The following CACNA1A variants were observed in gnomAD, a reference collection of about 807,000 sequenced individuals.
CACNA1A encodes calcium voltage-gated channel subunit alpha1 A, also known as voltage-dependent P/Q-type calcium channel subunit alpha-1A.
CACNA1A carries 57 observed loss-of-function variants against 262.4 expected under a neutral mutation model. The ratio of observed to expected loss-of-function variants is 0.22; its 90% CI spans 0.18 to 0.27. The LOEUF (loss-of-function observed/expected upper bound fraction) is 0.27, where lower values mean the gene tolerates loss of function less well. Among genes scored for constraint, CACNA1A ranks in the 10% least tolerant of loss-of-function variants. The pLI is 1.00. For synonymous variants in CACNA1A, 1,431 were observed against 1,419.3 expected (o/e 1.01, Z -0.18); for missense variants, 2,526 against 3,562.8 (o/e 0.71, Z 7.41).
At chr19:13,453,454 T>C (rs761153105) in intron 2 of CACNA1A, among the ~76,000 whole-genome samples, 3 of 152,254 alleles carry the variant, frequency 2.0e-5, no homozygotes, top group African/African-American at 4.8e-5. Flanking sequence ...CAGAAAGTTC[T>C]AATGGAAAGC....
At chr19:13,303,671 G>T in intron 16 of CACNA1A, 58 bp from the exon 17 acceptor site, 1 of 1,579,686 alleles carries the variant, frequency 6.3e-7, no homozygotes, top group South Asian at 1.1e-5. Flanking sequence ...TGGGCCCTGG[G>T]TATCTGGGTC....
intron 3 of CACNA1A, among the ~76,000 whole-genome samples, chr19:13,431,658 T>C (rs1444843791): frequency 3.3e-5 from 5 of 152,098 alleles, no homozygotes; most frequent in Non-Finnish European, 5.9e-5. Context: ...GAAGAAAATA[T>C]GGCGTGTATA....
At chr19:13,303,475 C>T (rs2057833064) in intron 17 of CACNA1A, 71 bp downstream of exon 17, 2 of 167,114 alleles carry the variant, frequency 1.2e-5, no homozygotes, top group Admixed American at 6.1e-5. Flanking sequence ...CACCCCCACC[C>T]CCACCCCCGT....
intron 3 of CACNA1A, among the ~76,000 whole-genome samples, chr19:13,410,109 A>G (rs1304578273): frequency 6.6e-6 from 1 of 151,826 alleles, no homozygotes; most frequent in Non-Finnish European, 1.5e-5. Flanking sequence ...CTGTACACCA[A>G]ATGCCATCCC....
rs1037793691 is a variant in CACNA1A at position 13,413,773 on chromosome 19, C to T, written c.539+39103G>A. ...CCAGGTACCTGTAATCTCAGCTACTCGGGAGGCTGAGACAGGAGAATTGCT... is the reference window on the plus strand; with the variant it reads ...CCAGGTACCTGTAATCTCAGCTACTTGGGAGGCTGAGACAGGAGAATTGCT... On this transcript the variant is annotated intron_variant, in intron 3 of 46. Transcript: ENST00000360228. Among the ~76,000 whole-genome samples the T allele has an allele frequency of 6.0e-5, 9 of 149,444 alleles. No individual in the cohort carries two copies. In the South Asian group the frequency reaches 6.4e-4, roughly 11 times the overall value.
intron 1 of CACNA1A, among the ~76,000 whole-genome samples, chr19:13,497,597 G>C: frequency 1.0e-5 from 1 of 98,768 alleles, no homozygotes; most frequent in Non-Finnish European, 1.9e-5. Context: ...TGTTGTTAAA[G>C]CTGGGTACGG....
In CACNA1A at chr19:13,206,717, A is replaced by T. The variant is rs1252495937; in HGVS notation, c.*596T>A. On this transcript the variant is annotated 3_prime_UTR_variant, in exon 47 of 47. Transcript: ENST00000360228. ...TAAATTGATTTCTGCAGGCAGTAAT[A>T]GTAGGGTTTGGTATAACCGGCAAGC... 6.5e-6 allele frequency: 1 copy of T among 154,050 alleles called. No individual in the cohort carries two copies. Among genetic ancestry groups the T allele is most frequent in the Admixed American group, 6.6e-5 (1 of 15,214 alleles). 9.5% of individuals were successfully genotyped at this position (154,050 alleles called of 1,614,324 possible). A position where few individuals can be genotyped will look rare whatever the true frequency, so the allele number is the denominator to read the frequency against.
At chr19:13,365,633 G>A (rs1387839409) in intron 4 of CACNA1A, 164 bp from the exon 5 acceptor site, 3 of 568,028 alleles carry the variant, frequency 5.3e-6, no homozygotes, top group Non-Finnish European at 6.2e-6. Flanking sequence ...AGCACCACAC[G>A]GAGGCTGATC....
intron 3 of CACNA1A, among the ~76,000 whole-genome samples, chr19:13,407,130 C>A (rs2060025854): frequency 6.6e-6 from 1 of 152,200 alleles, no homozygotes; most frequent in African/African-American, 2.4e-5. Flanking sequence ...CTCTCCTGTG[C>A]TTCTCTAGAC....
chr19:13,311,111 A>T (rs1198007568), intron 12 of CACNA1A, among the ~76,000 whole-genome samples: 1 of 151,958 alleles, frequency 6.6e-6, no homozygotes. Flanking sequence ...TTTCTTAGAG[A>T]TGGGGTCTCA....
Position 13,212,131 on chromosome 19 carries a change from G to A in CACNA1A, c.6275C>T (p.Ser2092Phe). The stretch of plus-strand genomic sequence containing the variant: ...GTTCTCTGCAGGGAGGCGGGGCATG[G>A]AGGCAGCCCGGCCCTGGCCTTCCAT... ...LPMEGQGRAA[S>F]MPRLPAENQR... The change falls in exon 43 of 47, where the codon TCC becomes TTC. Residue 2092 changes from serine (S) to phenylalanine (F), a missense_variant. Ser to Phe is a radical substitution (Grantham distance 155). This residue lies in a region of CACNA1A where 929 missense variants were observed against 868.1 expected (regional missense o/e 1.07). Coordinates refer to ENST00000360228, the MANE Select transcript of CACNA1A (RefSeq NM_001127222.2). This position sits in a 1 kb window ranked among gnomAD's most constrained non-coding sequence, Gnocchi z 5.6. 6.2e-7 allele frequency: 1 copy of A among 1,613,418 alleles called. No individual in the cohort carries two copies. Among genetic ancestry groups the A allele is most frequent in the Non-Finnish European group, 8.5e-7 (1 of 1,179,524 alleles).
Position 13,332,878 on chromosome 19 carries a change from G to C in CACNA1A, c.1246C>G (p.Pro416Ala), listed in dbSNP as rs371138043. The change falls in exon 9 of 47, where the codon CCC becomes GCC. Residue 416 changes from proline (P) to alanine (A), a missense_variant. This residue lies in a region of CACNA1A where 104 missense variants were observed against 127.6 expected (regional missense o/e 0.81). Transcript: ENST00000360228. ...EDETDGEQRH[P>A]FDALRRTTIK... is the part of the protein sequence containing the mutation. The stretch of plus-strand genomic sequence containing the variant: ...GGTTTAGAGCAGTTACCATCAAAGG[G>C]ATGCCTCTGCTCCCCGTCAGTTTCA... 8.7e-6 allele frequency: 14 copies of C among 1,611,408 alleles called. No individual in the cohort carries two copies. Among genetic ancestry groups the C allele is most frequent in the African/African-American group, 2.7e-5 (2 of 74,878 alleles).
At chr19:13,412,682 G>T (rs902846131) in intron 3 of CACNA1A, among the ~76,000 whole-genome samples, 10 of 152,012 alleles carry the variant, frequency 6.6e-5, no homozygotes, top group Non-Finnish European at 1.2e-4. Context: ...TCACCATGTT[G>T]CCCAGGCTGG....
intron 15 of CACNA1A, chr19:13,306,702 C>G (rs561377205): frequency 2.0e-5 from 3 of 152,356 alleles, no homozygotes; most frequent in African/African-American, 7.2e-5. Context: ...CCTCCTTTAT[C>G]TTCCCAGCAC....
intron 3 of CACNA1A, among the ~76,000 whole-genome samples, chr19:13,421,738 G>C (rs2060319094): frequency 6.6e-6 from 1 of 152,110 alleles, no homozygotes; most frequent in East Asian, 1.9e-4. Flanking sequence ...TCAGTGCCTT[G>C]ATCTTCCCAG....
intron 3 of CACNA1A, among the ~76,000 whole-genome samples, chr19:13,387,970 A>G (rs990940158): frequency 6.6e-6 from 1 of 152,156 alleles, no homozygotes; most frequent in Non-Finnish European, 1.5e-5. Context: ...GGGGAGTGAG[A>G]AGGAGAGGAG....
At chr19:13,277,187 G>A (rs2057171635) in intron 22 of CACNA1A, 59 bp from the exon 23 acceptor site, 2 of 1,243,694 alleles carry the variant, frequency 1.6e-6, no homozygotes, top group Non-Finnish European at 2.4e-6. Context: ...CAGAGCCCCG[G>A]TAAAACTAAC....
At chr19:13,311,694 A>G (rs550639348) in intron 12 of CACNA1A, among the ~76,000 whole-genome samples, 1 of 152,178 alleles carries the variant, frequency 6.6e-6, no homozygotes, top group South Asian at 2.1e-4. Flanking sequence ...AAAATTAGCC[A>G]GGTATGATGG....
intron 24 of CACNA1A, 179 bp from the exon 25 acceptor site, chr19:13,263,012 C>G (rs1304812102): frequency 3.3e-6 from 2 of 600,114 alleles, no homozygotes; most frequent in Non-Finnish European, 6.0e-6. Context: ...TAAGCTTGGG[C>G]TCGGGAGCCA....
Sources: allele counts gnomAD v4.1 joint callset (sites outside exome capture counted in the v4.1 genomes callset), GRCh38; gene constraint gnomAD v4.1.1; regional missense constraint gnomAD v4.1.1; non-coding constraint Gnocchi (gnomAD v3.1); transcripts MANE v1.5; gene names NCBI Gene and HGNC (gene_info 2026-07-23, HGNC 2026-07-21).